ADAMTSL1: variants seen among roughly 807,000 people sequenced by gnomAD.
ADAMTSL1 encodes the protein ADAMTS-like protein 1.
A neutral mutation model predicts 201.8 loss-of-function variants in ADAMTSL1; 126 were observed. The ratio of observed to expected loss-of-function variants is 0.62; its 90% CI spans 0.54 to 0.72. The LOEUF is 0.72. Ranked by LOEUF, ADAMTSL1 falls within the 30% of genes least tolerant of loss-of-function variation. ADAMTSL1 has a pLI of 0.00. For missense variants in ADAMTSL1, 2,679 were observed against 2,277.8 expected, an observed-to-expected ratio of 1.18 and a Z score of -3.59; for synonymous variants, 1,121 against 903.4, an observed-to-expected ratio of 1.24 and a Z score of -4.32.
At chr9:18,865,854 G>A (rs1827498036) in intron 23 of ADAMTSL1, among the ~76,000 whole-genome samples, 1 of 152,130 alleles carries the variant, frequency 6.6e-6, no homozygotes, top group South Asian at 2.1e-4. Context: ...GCTGAGGCCT[G>A]GAGAGGAGAC....
intron 3 of ADAMTSL1, among the ~76,000 whole-genome samples, chr9:18,546,980 T>G (rs1399355785): frequency 6.6e-6 from 1 of 152,166 alleles, no homozygotes; most frequent in African/African-American, 2.4e-5. Context: ...ACGTGGCTAT[T>G]TCTAGGTAAG....
intron 1 of ADAMTSL1, among the ~76,000 whole-genome samples, chr9:18,483,684 G>C (rs772987950): frequency 2.6e-5 from 4 of 152,038 alleles, no homozygotes; most frequent in African/African-American, 4.8e-5. Context: ...AAAATTACCC[G>C]GGCATGGTGG....
intron 2 of ADAMTSL1, among the ~76,000 whole-genome samples, chr9:18,299,139 T>G (rs1833598668): frequency 6.6e-6 from 1 of 152,120 alleles, no homozygotes; most frequent in African/African-American, 2.4e-5. Flanking sequence ...ATTTTGCAGA[T>G]AGAGGAACAG....
At chr9:18,888,422 G>A (rs1310380295) in intron 24 of ADAMTSL1, among the ~76,000 whole-genome samples, 1 of 152,240 alleles carries the variant, frequency 6.6e-6, no homozygotes, top group African/African-American at 2.4e-5. Context: ...ACTGCCTCCT[G>A]CCTGGAGAGA....
At chr9:18,832,461 G>A (rs1387913587) in intron 23 of ADAMTSL1, among the ~76,000 whole-genome samples, 1 of 152,212 alleles carries the variant, frequency 6.6e-6, no homozygotes, top group Non-Finnish European at 1.5e-5. Context: ...TCTTTCGAGG[G>A]TTTTTAAATA....
rs535056565 is a variant in ADAMTSL1 at position 17,987,263 on chromosome 9, G to C, written c.87+80341G>C. Among the ~76,000 whole-genome samples the C allele has an allele frequency of 2.6e-5, 4 of 152,130 alleles. No homozygotes were observed. The South Asian group carries it at 8.3e-4, about 32-fold the overall frequency. On this transcript the variant is annotated intron_variant, in intron 1 of 29. Transcript: ENST00000680146. ...CGTAGTGTTCACATCTTGTTTCCTT[G>C]TCCTGATGGTATTTCCCCAGATGAT...
chr9:18,550,202 C>T (rs1465176463), intron 3 of ADAMTSL1, among the ~76,000 whole-genome samples: 1 of 151,890 alleles, frequency 6.6e-6, no homozygotes, highest in African/African-American at 2.4e-5. Flanking sequence ...ATGTCCTGAT[C>T]CCTGAAACTT....
chr9:18,652,239 G>T (rs10963709), intron 7 of ADAMTSL1, among the ~76,000 whole-genome samples: 6,717 of 151,902 alleles, frequency 0.044, 201 homozygotes, highest in South Asian at 0.085. Flanking sequence ...GGGCGTGGTG[G>T]CAGGCATCTG....
At chr9:17,969,796 A>T (rs971601096) in intron 1 of ADAMTSL1, among the ~76,000 whole-genome samples, 2 of 152,074 alleles carry the variant, frequency 1.3e-5, no homozygotes, top group Admixed American at 1.3e-4. Context: ...TATTATTTCC[A>T]TTAGGCCAGT....
chr9:18,594,125 T>C (rs1564076208), intron 4 of ADAMTSL1, among the ~76,000 whole-genome samples: 1 of 152,166 alleles, frequency 6.6e-6, no homozygotes, highest in East Asian at 1.9e-4. Flanking sequence ...GAAGGATATT[T>C]TTACAGGGTA....
intron 22 of ADAMTSL1, among the ~76,000 whole-genome samples, chr9:18,829,001 G>C (rs1171834483): frequency 6.6e-6 from 1 of 151,934 alleles, no homozygotes; most frequent in East Asian, 1.9e-4. Flanking sequence ...GGTGGGAGCT[G>C]GCCTTGGGAG....
chr9:18,528,978 A>T (rs1008530430), intron 2 of ADAMTSL1, among the ~76,000 whole-genome samples: 18 of 152,092 alleles, frequency 1.2e-4, no homozygotes, highest in East Asian at 5.8e-4. Context: ...ACGACCTGTT[A>T]AAAAAAAGAA....
At chr9:17,961,794 C>G (rs1359366884) in intron 1 of ADAMTSL1, among the ~76,000 whole-genome samples, 1 of 152,144 alleles carries the variant, frequency 6.6e-6, no homozygotes, top group Non-Finnish European at 1.5e-5. Context: ...TTTCCCATTT[C>G]TGCCCCATCT....
At chr9:18,208,915 A>G (rs374911831) in intron 2 of ADAMTSL1, among the ~76,000 whole-genome samples, 34 of 151,754 alleles carry the variant, frequency 2.2e-4, no homozygotes, top group African/African-American at 7.7e-4. Context: ...CATCTATGAA[A>G]TAGACATCAT....
At chr9:18,840,053 G>T (rs1354189150) in intron 23 of ADAMTSL1, among the ~76,000 whole-genome samples, 1 of 148,448 alleles carries the variant, frequency 6.7e-6, no homozygotes, top group Admixed American at 6.7e-5. Context: ...GATCCCATTT[G>T]TCAATTTTGT....
At chr9:17,969,850 G>T (rs990292070) in intron 1 of ADAMTSL1, among the ~76,000 whole-genome samples, 2 of 151,934 alleles carry the variant, frequency 1.3e-5, no homozygotes, top group South Asian at 4.2e-4. Flanking sequence ...GTTACTTTAG[G>T]CATATGCAAA....
chr9:18,207,377 A>T (rs1829695349), intron 2 of ADAMTSL1, among the ~76,000 whole-genome samples: 1 of 152,096 alleles, frequency 6.6e-6, no homozygotes, highest in African/African-American at 2.4e-5. Context: ...CTCTCAAAAA[A>T]CCCTAAGCCT....
intron 2 of ADAMTSL1, among the ~76,000 whole-genome samples, chr9:18,511,176 G>C (rs921467873): frequency 2.0e-5 from 3 of 152,072 alleles, no homozygotes; most frequent in Non-Finnish European, 2.9e-5. Flanking sequence ...CTTTGCACTG[G>C]TGACTAAAGA....
At chr9:18,713,487 CAA>C (rs1832733060) in intron 14 of ADAMTSL1, among the ~76,000 whole-genome samples, 1 of 151,958 alleles carries the variant, frequency 6.6e-6, no homozygotes, top group African/African-American at 2.4e-5. Flanking sequence ...CAACAAAGAT[CAA>C]AAGAGACAAA....
Sources: allele counts gnomAD v4.1 joint callset (sites outside exome capture counted in the v4.1 genomes callset), GRCh38; gene constraint gnomAD v4.1.1; transcripts MANE v1.5; gene names NCBI Gene and HGNC (gene_info 2026-07-23, HGNC 2026-07-21).